SPATA6: variants seen among roughly 807,000 people sequenced by gnomAD.
The protein encoded by SPATA6 is spermatogenesis associated 6.
SPATA6 carries 56 observed loss-of-function variants against 65.3 expected under a neutral mutation model. That is an observed-to-expected ratio of 0.86 (90% CI 0.69 to 1.07). The LOEUF (loss-of-function observed/expected upper bound fraction) is 1.07, where lower values mean the gene tolerates loss of function less well. Ranked by LOEUF, SPATA6 falls within the 50% of genes least tolerant of loss-of-function variation. The pLI, the probability that SPATA6 is intolerant of heterozygous loss-of-function variation, is 0.00. For synonymous variants in SPATA6, 199 were observed against 213.2 expected (o/e 0.93, Z 0.58); for missense variants, 590 against 594.8 (o/e 0.99, Z 0.08).
rs1557521000 is a variant in SPATA6 at position 48,298,909 on chromosome 1, T to C, written c.1287-16A>G. ...CTGACATGAGCTATAAAAAGGGATA[T>C]AAAAGGTTCAAAACAATAATGAAAC... On this transcript the variant is annotated splice_polypyrimidine_tract_variant and intron_variant, in intron 12 of 12. Transcript: ENST00000371847. 1.2e-6 allele frequency: 2 copies of C among 1,606,248 alleles called. No homozygotes were observed. Among genetic ancestry groups the C allele is most frequent in the African/African-American group, 1.3e-5 (1 of 74,404 alleles).
In SPATA6 at chr1:48,415,228, A is replaced by T. The variant is rs185917458; in HGVS notation, c.239-2077T>A. 2.0e-5 allele frequency among the ~76,000 whole-genome samples: 3 copies of T among 152,340 alleles called. No homozygotes were observed. In the East Asian group the frequency reaches 5.8e-4, roughly 29 times the overall value. On this transcript the variant is annotated intron_variant, in intron 3 of 12. Coordinates refer to ENST00000371847, the MANE Select transcript of SPATA6 (RefSeq NM_019073.4). ...AAGTATCAATAACAAGGGTGATGAC[A>T]GTCCAAGGTTGGACAGGACGTTGCT...
At chr1:48,351,562 A>G (rs143827653) in intron 11 of SPATA6, among the ~76,000 whole-genome samples, 1 of 152,092 alleles carries the variant, frequency 6.6e-6, no homozygotes, top group Non-Finnish European at 1.5e-5. Flanking sequence ...GAAACTACAT[A>G]TAAGAAATAT....
chr1:48,444,004 T>C (rs1655764459), intron 3 of SPATA6, among the ~76,000 whole-genome samples: 1 of 152,046 alleles, frequency 6.6e-6, no homozygotes, highest in Non-Finnish European at 1.5e-5. Flanking sequence ...AACTGCAGGG[T>C]CCTTTCTTCA....
At chr1:48,351,366 C>T (rs955724396) in intron 11 of SPATA6, among the ~76,000 whole-genome samples, 2 of 151,848 alleles carry the variant, frequency 1.3e-5, no homozygotes, top group Admixed American at 6.6e-5. Context: ...TTCAGTATGA[C>T]GCTAAAGAAA....
At chr1:48,461,373 T>C (rs1657417237) in intron 1 of SPATA6, among the ~76,000 whole-genome samples, 1 of 152,238 alleles carries the variant, frequency 6.6e-6, no homozygotes, top group Non-Finnish European at 1.5e-5. Flanking sequence ...TTGGCTTTTG[T>C]TGCCATTGCT....
chr1:48,450,341 A>G (rs563739656), intron 3 of SPATA6, among the ~76,000 whole-genome samples: 33 of 5,446 alleles, frequency 6.1e-3, no homozygotes, highest in Admixed American at 0.05. Context: ...AGAGCCCAAG[A>G]AAAAAAAAAA....
At chr1:48,361,804 T>A (rs1054000542) in intron 9 of SPATA6, among the ~76,000 whole-genome samples, 11 of 152,114 alleles carry the variant, frequency 7.2e-5, no homozygotes, top group African/African-American at 2.4e-4. Context: ...AAAACATAAG[T>A]CCAGCATAGG....
At chr1:48,420,238 C>T (rs896312086) in intron 3 of SPATA6, among the ~76,000 whole-genome samples, 1 of 152,192 alleles carries the variant, frequency 6.6e-6, no homozygotes, top group Admixed American at 6.5e-5. Context: ...GGCATGGAAG[C>T]TCCGTGCCCC....
intron 7 of SPATA6, 193 bp downstream of exon 7, chr1:48,399,158 T>A: frequency 1.7e-6 from 1 of 595,088 alleles, no homozygotes; most frequent in African/African-American, 1.9e-5. Flanking sequence ...TTGATCTCTG[T>A]CAGGTCTGAA....
the SPATA6 span, among the ~76,000 whole-genome samples, chr1:48,266,812 A>G: frequency 6.6e-6 from 1 of 152,194 alleles, no homozygotes; most frequent in African/African-American, 2.4e-5. Context: ...TGCTGCTTCT[A>G]TGCCAAAACA....
the SPATA6 span, among the ~76,000 whole-genome samples, chr1:48,268,696 T>C: frequency 3.9e-5 from 6 of 152,206 alleles, no homozygotes; most frequent in Admixed American, 6.5e-5. Context: ...ACTGAACTCG[T>C]GTTTAGCTTC....
the SPATA6 span, chr1:48,263,118 G>C: frequency 6.6e-6 from 1 of 151,784 alleles, no homozygotes; most frequent in African/African-American, 2.4e-5. Context: ...GAAGCACACA[G>C]GGCCAATGGA....
At chr1:48,382,467 C>A (rs1196440670) in intron 9 of SPATA6, among the ~76,000 whole-genome samples, 3 of 134,090 alleles carry the variant, frequency 2.2e-5, no homozygotes, top group African/African-American at 5.8e-5. Flanking sequence ...GGGGGCTGTC[C>A]CCCCCACCTC....
chr1:48,268,086 C>T, the SPATA6 span, among the ~76,000 whole-genome samples: 29 of 151,926 alleles, frequency 1.9e-4, no homozygotes, highest in African/African-American at 6.0e-4. Context: ...GAATGGGGTA[C>T]GTGGGGGGCC....
intron 9 of SPATA6, among the ~76,000 whole-genome samples, chr1:48,375,353 TA>T (rs1376055071): frequency 1.3e-5 from 2 of 152,256 alleles, no homozygotes; most frequent in East Asian, 3.9e-4. Flanking sequence ...GGGGAGTCTA[TA>T]AAAGAAAGTT....
intron 3 of SPATA6, among the ~76,000 whole-genome samples, chr1:48,426,253 G>A (rs1653827174): frequency 6.6e-6 from 1 of 152,140 alleles, no homozygotes; most frequent in Non-Finnish European, 1.5e-5. Context: ...CACATACTAG[G>A]AAGCACAGTC....
At chr1:48,400,161 C>T (rs1181796322) in intron 6 of SPATA6, among the ~76,000 whole-genome samples, 1 of 151,702 alleles carries the variant, frequency 6.6e-6, no homozygotes, top group Non-Finnish European at 1.5e-5. Flanking sequence ...ATAAAGAACT[C>T]TATACATATT....
chr1:48,389,433 T>C (rs1418492943), intron 8 of SPATA6, among the ~76,000 whole-genome samples: 1 of 152,140 alleles, frequency 6.6e-6, no homozygotes, highest in Non-Finnish European at 1.5e-5. Context: ...GGGGGACCAG[T>C]AATCCCTAAG....
intron 9 of SPATA6, among the ~76,000 whole-genome samples, chr1:48,377,343 T>C (rs542171590): frequency 6.6e-6 from 1 of 152,286 alleles, no homozygotes; most frequent in East Asian, 1.9e-4. Context: ...ATTTACACCA[T>C]GTACCTATTC....
Sources: gnomAD v4.1 joint callset for allele counts (sites outside exome capture counted in the v4.1 genomes callset) on GRCh38, gnomAD v4.1.1 for gene constraint, MANE v1.5 for transcripts, NCBI Gene and HGNC (gene_info 2026-07-23, HGNC 2026-07-21) for gene names.